LRMDA: variants seen among roughly 807,000 people sequenced by gnomAD.
LRMDA encodes the protein leucine rich melanocyte differentiation associated.
In LRMDA, 18 loss-of-function variants were observed where a neutral mutation model predicts 29.8. The observed-to-expected ratio is 0.60, with a 90% CI of 0.42 to 0.90. LRMDA has a LOEUF of 0.90. LRMDA is among the 40% of genes least tolerant of loss of function. The probability of loss-of-function intolerance (pLI) is 0.00; values close to 1 mark genes in which losing one functional copy is unlikely to be tolerated. For synonymous variants in LRMDA, 125 were observed against 109.4 expected (o/e 1.14, Z -0.89); for missense variants, 273 against 273.9 (o/e 1.00, Z 0.02).
chr10:76,314,690 A>C (rs913516151), intron 5 of LRMDA, among the ~76,000 whole-genome samples: 3 of 152,208 alleles, frequency 2.0e-5, no homozygotes, highest in Non-Finnish European at 4.4e-5. Flanking sequence ...TTCAAGTTTA[A>C]GTGTATATAA....
chr10:76,267,417 T>G (rs1589402401), intron 5 of LRMDA, among the ~76,000 whole-genome samples: 1 of 152,278 alleles, frequency 6.6e-6, no homozygotes. Context: ...TCACAACTAT[T>G]TATTTCCAAA....
chr10:75,642,810 A>T (rs1841471332), intron 2 of LRMDA: 1 of 152,230 alleles, frequency 6.6e-6, no homozygotes, highest in Non-Finnish European at 1.5e-5. Context: ...TGGTTCTCAC[A>T]TGGCCTTTGC....
chr10:76,000,113 A>T (rs1035608797), intron 2 of LRMDA, among the ~76,000 whole-genome samples: 3 of 151,650 alleles, frequency 2.0e-5, no homozygotes, highest in East Asian at 1.9e-4. Context: ...TTTTTTTTTT[A>T]AATTGAGGGG....
intron 6 of LRMDA, among the ~76,000 whole-genome samples, chr10:76,477,175 C>A (rs969475782): frequency 1.3e-5 from 2 of 152,172 alleles, no homozygotes; most frequent in South Asian, 2.1e-4. Flanking sequence ...CCAAAATCTC[C>A]TTAAGCTGAT....
intron 5 of LRMDA, among the ~76,000 whole-genome samples, chr10:76,297,327 C>A (rs1197101485): frequency 6.6e-6 from 1 of 152,146 alleles, no homozygotes; most frequent in Admixed American, 6.5e-5. Context: ...TCTGAAGGGG[C>A]TTTTACCAGA....
intron 2 of LRMDA, among the ~76,000 whole-genome samples, chr10:76,021,819 T>C (rs1246457668): frequency 6.6e-6 from 1 of 152,246 alleles, no homozygotes; most frequent in Admixed American, 6.5e-5. Flanking sequence ...CTGAGCTGTT[T>C]AGTAATGAGT....
At chr10:75,636,351 A>G (rs967123922) in intron 2 of LRMDA, among the ~76,000 whole-genome samples, 1 of 152,140 alleles carries the variant, frequency 6.6e-6, no homozygotes, top group Non-Finnish European at 1.5e-5. Context: ...AAATCATGTA[A>G]TCTTGTTCCT....
At chr10:75,849,200 C>T (rs1435331623) in intron 2 of LRMDA, among the ~76,000 whole-genome samples, 3 of 152,116 alleles carry the variant, frequency 2.0e-5, no homozygotes, top group Non-Finnish European at 2.9e-5. Flanking sequence ...TCTTGCTTCT[C>T]CTGTGCTGTA....
chr10:76,207,941 G>T (rs1268405726), intron 5 of LRMDA, among the ~76,000 whole-genome samples: 2 of 152,194 alleles, frequency 1.3e-5, no homozygotes, highest in East Asian at 3.9e-4. Flanking sequence ...TCCAGCATGG[G>T]TGACAGAACG....
intron 5 of LRMDA, among the ~76,000 whole-genome samples, chr10:76,136,980 GC>G (rs1850107298): frequency 1.3e-5 from 2 of 152,176 alleles, no homozygotes; most frequent in Admixed American, 6.5e-5. Context: ...AGCAATGCCT[GC>G]CTAGCCCTCC....
chr10:76,473,636 A>G (rs1485494185), intron 6 of LRMDA, among the ~76,000 whole-genome samples: 1 of 151,578 alleles, frequency 6.6e-6, no homozygotes, highest in East Asian at 1.9e-4. Context: ...AAAAGAAAAA[A>G]GAAAAACTGC....
At chr10:75,713,864 C>T (rs1047575993) in intron 2 of LRMDA, among the ~76,000 whole-genome samples, 1 of 152,130 alleles carries the variant, frequency 6.6e-6, no homozygotes, top group Admixed American at 6.5e-5. Flanking sequence ...TCTCTCTCCT[C>T]TCTCCCCAAA....
Position 76,166,896 on chromosome 10 carries a change from C to G in LRMDA, c.516+108113C>G, listed in dbSNP as rs138454646. On this transcript the variant is annotated intron_variant, in intron 5 of 6. Transcript: ENST00000611255. ...TGCTTTCCACAATGGTTGAACTAAT[C>G]TAGACTCCCACCAACAGTATTTAAG... Among the ~76,000 whole-genome samples, 158 of 152,250 alleles carry G rather than the reference C, an allele frequency of 1.0e-3. 3 individuals are homozygous for G. The East Asian group carries it at 0.028, about 27-fold the overall frequency.
chr10:75,440,839 C>A (rs766109852), intron 2 of LRMDA, among the ~76,000 whole-genome samples: 1 of 152,120 alleles, frequency 6.6e-6, no homozygotes, highest in African/African-American at 2.4e-5. Flanking sequence ...AGTTCAAGAC[C>A]AGCTTGGCCA....
At chr10:76,199,402 C>G (rs1164855577) in intron 5 of LRMDA, among the ~76,000 whole-genome samples, 2 of 152,120 alleles carry the variant, frequency 1.3e-5, no homozygotes, top group Non-Finnish European at 2.9e-5. Flanking sequence ...GCTATGTGAC[C>G]TTGTTACTTA....
At chr10:76,193,049 A>G (rs898408346) in intron 5 of LRMDA, among the ~76,000 whole-genome samples, 1 of 152,326 alleles carries the variant, frequency 6.6e-6, no homozygotes, top group Non-Finnish European at 1.5e-5. Context: ...GCTATATAAA[A>G]TGCTTTGGAG....
chr10:75,476,614 T>C (rs189368063), intron 2 of LRMDA, among the ~76,000 whole-genome samples: 115 of 152,288 alleles, frequency 7.6e-4, no homozygotes, highest in African/African-American at 2.4e-3. Context: ...GTCTGTAGAA[T>C]CTAGGCCAAC....
At chr10:75,816,795 G>A (rs560165623) in intron 2 of LRMDA, among the ~76,000 whole-genome samples, 2 of 152,308 alleles carry the variant, frequency 1.3e-5, no homozygotes, top group Admixed American at 1.3e-4. Context: ...AAATTGGGAA[G>A]CTCTCTGGAG....
chr10:75,876,989 C>A (rs185088180), intron 2 of LRMDA, among the ~76,000 whole-genome samples: 22 of 152,258 alleles, frequency 1.4e-4, no homozygotes, highest in African/African-American at 4.1e-4. Context: ...GCTGGCCCAC[C>A]AGCCACATTT....
Sources: gnomAD v4.1 joint callset for allele counts (sites outside exome capture counted in the v4.1 genomes callset) on GRCh38, gnomAD v4.1.1 for gene constraint, MANE v1.5 for transcripts, NCBI Gene and HGNC (gene_info 2026-07-23, HGNC 2026-07-21) for gene names.